Variants in GIMAP2 observed in about 807,000 individuals in gnomAD.
GIMAP2 encodes the protein GTPase, IMAP family member 2.
Under a neutral mutation model 25.5 loss-of-function variants are expected in GIMAP2, and 22 were observed. The ratio of observed to expected loss-of-function variants is 0.86; its 90% CI spans 0.62 to 1.23. GIMAP2 has a LOEUF of 1.23. GIMAP2 is among the 50% of genes most tolerant of loss of function. The pLI, the probability that GIMAP2 is intolerant of heterozygous loss-of-function variation, is 0.00. For synonymous variants in GIMAP2, 167 were observed against 143.0 expected (o/e 1.17, Z -1.20); for missense variants, 422 against 395.7 (o/e 1.07, Z -0.56).
intron 2 of GIMAP2, among the ~76,000 whole-genome samples, chr7:150,688,373 T>G (rs556517832): frequency 6.6e-6 from 1 of 152,210 alleles, no homozygotes; most frequent in South Asian, 2.1e-4. Flanking sequence ...TCAAGTGATC[T>G]GCCCACCTCA....
chr7:150,692,258 A>G, intron 2 of GIMAP2, 57 bp from the exon 3 acceptor site: 2 of 1,503,312 alleles, frequency 1.3e-6, no homozygotes, highest in Non-Finnish European at 1.8e-6. Context: ...AAGGAAAAAA[A>G]AATATTCCAC....
At position 150,685,776 on chromosome 7, in the gene GIMAP2, A is replaced by C; in HGVS notation, c.-18A>C. 2.0e-6 allele frequency: 2 copies of C among 979,392 alleles called. No individual in the cohort carries two copies. Among genetic ancestry groups the C allele is most frequent in the Non-Finnish European group, 2.4e-6 (2 of 824,382 alleles). The allele number at this position is 979,392 out of a possible 1,614,324, so 60.7% of individuals were successfully genotyped here. A position where few individuals can be genotyped will look rare whatever the true frequency, so the allele number is the denominator to read the frequency against. ...CAGGGAGCCAACTGTTTCTTTGAAC[A>C]GTAAATCAGGTAAGCCCAGATTTAC... On this transcript the variant is annotated 5_prime_UTR_variant, in exon 1 of 3. Transcript: ENST00000223293.
chr7:150,690,982 T>C (rs568222513), intron 2 of GIMAP2, among the ~76,000 whole-genome samples: 2 of 152,346 alleles, frequency 1.3e-5, no homozygotes, highest in East Asian at 3.9e-4. Flanking sequence ...ACTTTCTCTC[T>C]GCAACATGAG....
intron 2 of GIMAP2, among the ~76,000 whole-genome samples, chr7:150,691,699 A>T (rs1796966779): frequency 1.3e-5 from 2 of 152,172 alleles, no homozygotes; most frequent in South Asian, 4.1e-4. Context: ...GGCCTTGCCT[A>T]CGCATCTCTG....
rs1425054926 is a variant in GIMAP2, at chr7:150,693,250, A to G, written c.964A>G (p.Ile322Val). ...GTTTATTATACCCAAAAAGTTAATG[A>G]TATTTTTGAGAACAGTTATTAGACT... ...LLFIIPKKLM[I>V]FLRTVIRLER... The change falls in exon 3 of 3, where the codon ATA (isoleucine) becomes GTA (valine). Residue 322 changes from isoleucine (I) to valine (V), a missense_variant. Ile to Val is a conservative substitution (Grantham distance 29). Coordinates refer to ENST00000223293, the MANE Select transcript of GIMAP2 (RefSeq NM_015660.3). 1.3e-6 allele frequency: 2 copies of G among 1,599,792 alleles called. No individual in the cohort carries two copies. Among genetic ancestry groups the G allele is most frequent in the East Asian group, 2.2e-5 (1 of 44,832 alleles).
At chr7:150,688,138 G>T (rs1204274012) in intron 2 of GIMAP2, among the ~76,000 whole-genome samples, 1 of 151,982 alleles carries the variant, frequency 6.6e-6, no homozygotes, top group African/African-American at 2.4e-5. Flanking sequence ...TGTTTTGGTT[G>T]CGGGGTGGAG....
Position 150,692,373 on chromosome 7 carries a change from C to T in GIMAP2, c.87C>T (p.Gly29=). ...CTGAGCTGAGAATCATCCTGGTGGG[C>T]AAAACAGGAACTGGCAAAAGTGCTG... is the stretch of plus-strand genomic sequence containing the variant. ...SRSELRIILV[G]KTGTGKSAAG... Residue 29 remains glycine, a synonymous_variant, in exon 3 of 3, where the codon GGC becomes GGT. Coordinates refer to ENST00000223293, the MANE Select transcript of GIMAP2 (RefSeq NM_015660.3). 6.2e-7 allele frequency: 1 copy of T among 1,614,118 alleles called. No individual in the cohort carries two copies. The highest frequency in any genetic ancestry group is 8.5e-7 in the Non-Finnish European group (1 of 1,179,992).
At chr7:150,687,031 T>C in intron 1 of GIMAP2, 21 bp from the exon 2 acceptor site, 1 of 1,572,910 alleles carries the variant, frequency 6.4e-7, no homozygotes, top group Non-Finnish European at 8.7e-7. Context: ...AAAATAAGTT[T>C]CTTGTCTCTC....
Position 150,692,710 on chromosome 7 carries a change from A to G in GIMAP2, c.424A>G (p.Ile142Val). 1 of 1,614,158 alleles carries G rather than the reference A, an allele frequency of 6.2e-7. No homozygotes were observed. The highest frequency in any genetic ancestry group is 1.1e-5 in the South Asian group (1 of 91,082). ...IFGEDAMGHT[I>V]VLFTHKEDLN... ...TGGAGAGGATGCCATGGGACACACA[A>G]TTGTCCTCTTTACCCACAAGGAAGA... Residue 142 changes from isoleucine to valine, a missense_variant, in exon 3 of 3, where the codon ATT becomes GTT. Coordinates refer to ENST00000223293, the MANE Select transcript of GIMAP2 (RefSeq NM_015660.3).
chr7:150,685,712 T>C lies in GIMAP2; in HGVS notation c.-82T>C. 1.0e-6 allele frequency: 1 copy of C among 984,706 alleles called. No individual in the cohort carries two copies. Among genetic ancestry groups the C allele is most frequent in the Non-Finnish European group, 1.2e-6 (1 of 829,306 alleles). 61.0% of individuals were successfully genotyped at this position (984,706 alleles called of 1,614,324 possible). A position where few individuals can be genotyped will look rare whatever the true frequency, so the allele number is the denominator to read the frequency against. On this transcript the variant is annotated 5_prime_UTR_variant, in exon 1 of 3. Transcript: ENST00000223293. ...GACTGGAGTCTCGGTTTTACTTTCTTTTTCTCTTGGAGCTGAGCTATAAGA... is the reference window on the plus strand; with the variant it reads ...GACTGGAGTCTCGGTTTTACTTTCTCTTTCTCTTGGAGCTGAGCTATAAGA...
At chr7:150,687,112 G>A (rs768089530) in intron 2 of GIMAP2, 25 bp downstream of exon 2, 12 of 359,866 alleles carry the variant, frequency 3.3e-5, no homozygotes, top group South Asian at 1.9e-4. Flanking sequence ...TCACGTGTGT[G>A]TGTGTGTGTG....
intron 2 of GIMAP2, among the ~76,000 whole-genome samples, chr7:150,692,059 T>C (rs1186338817): frequency 3.2e-5 from 3 of 94,790 alleles, no homozygotes; most frequent in African/African-American, 9.7e-5. Context: ...CTACTAAAAC[T>C]ACCAAAAAAA....
In GIMAP2 at chr7:150,687,105, C is replaced by CGTGTGTGTGTGTGTGTGTGTGT. The variant is rs35656746; in HGVS notation, c.28+47_28+68dup. 66 of 1,269,336 alleles carry CGTGTGTGTGTGTGTGTGTGTGT rather than the reference C, an allele frequency of 5.2e-5. No individual in the cohort carries two copies. The African/African-American group carries it at 1.1e-3, about 21-fold the overall frequency. The allele number at this position is 1,269,336 out of a possible 1,614,324, so 78.6% of individuals were successfully genotyped here. ...TCACTGGGGTAAGAAGGTGACTTCACGTGTGTGTGTGTGTGTGTGTGTGTG... is the reference window on the plus strand; with the variant it reads ...TCACTGGGGTAAGAAGGTGACTTCACGTGTGTGTGTGTGTGTGTGTGTGTGTGTGTGTGTGTGTGTGTGTGTG... On this transcript the variant is annotated intron_variant, in intron 2 of 2. Coordinates refer to ENST00000223293, the MANE Select transcript of GIMAP2 (RefSeq NM_015660.3).
intron 2 of GIMAP2, among the ~76,000 whole-genome samples, chr7:150,691,995 C>T (rs1272528434): frequency 6.6e-6 from 1 of 151,682 alleles, no homozygotes; most frequent in Non-Finnish European, 1.5e-5. Flanking sequence ...TTTGGGAGGC[C>T]GAGGCGGGCG....
At chr7:150,686,963 A>AAT in intron 1 of GIMAP2, 89 bp from the exon 2 acceptor site, 1 of 891,794 alleles carries the variant, frequency 1.1e-6, no homozygotes. Flanking sequence ...AAAAAAAAAA[A>AAT]GAAAGAAAGA....
rs116270086 is a variant in GIMAP2, at chr7:150,693,641, A to G, written c.*341A>G. 1,743 of 181,354 alleles carry G rather than the reference A, an allele frequency of 9.6e-3. 33 individuals carry two copies. Among genetic ancestry groups the G allele is most frequent in the African/African-American group, 0.039 (1,656 of 42,362 alleles). The allele number at this position is 181,354 out of a possible 1,614,324, so 11.2% of individuals were successfully genotyped here. ...TAAAATAATATTACATAAACTGTAA[A>G]GTTCCTTTGATCATATGTTGTTAAT... On this transcript the variant is annotated 3_prime_UTR_variant, in exon 3 of 3. Coordinates refer to ENST00000223293, the MANE Select transcript of GIMAP2 (RefSeq NM_015660.3).
intron 2 of GIMAP2, among the ~76,000 whole-genome samples, chr7:150,690,147 T>A (rs1314961036): frequency 1.3e-5 from 2 of 152,182 alleles, no homozygotes; most frequent in Non-Finnish European, 2.9e-5. Context: ...GTAACTCTCA[T>A]GTTCCTTGCA....
At position 150,687,262 on chromosome 7, in the gene GIMAP2, C is replaced by CTTTGTTTATTTGTTTG. The variant is rs1554513827; in HGVS notation, c.28+182_28+183insATTTGTTTGTTTGTTT. ...GCTGAAAATTGTGGGGTTTTGTTTTCTTTGTTTGTTTGTTTGTTTGTTTGT... is the reference window on the plus strand; with the variant it reads ...GCTGAAAATTGTGGGGTTTTGTTTTCTTTGTTTATTTGTTTGTTTGTTTGTTTGTTTGTTTGTTTGT... On this transcript the variant is annotated intron_variant, in intron 2 of 2. Transcript: ENST00000223293. The CTTTGTTTATTTGTTTG allele has an allele frequency of 1.1e-5, 6 of 554,564 alleles. No homozygotes were observed. The Admixed American group carries it at 1.8e-4, about 16-fold the overall frequency. 34.4% of individuals were successfully genotyped at this position (554,564 alleles called of 1,614,324 possible).
At chr7:150,689,689 T>C (rs1489005311) in intron 2 of GIMAP2, 1 of 577,246 alleles carries the variant, frequency 1.7e-6, no homozygotes, top group South Asian at 2.2e-5. Context: ...TAAATGTCCA[T>C]AAATTTTGGC....
Sources: gnomAD v4.1 joint callset for allele counts (sites outside exome capture counted in the v4.1 genomes callset) on GRCh38, gnomAD v4.1.1 for gene constraint, MANE v1.5 for transcripts, NCBI Gene and HGNC (gene_info 2026-07-23, HGNC 2026-07-21) for gene names.